Variants in MICU3 observed in about 807,000 individuals in gnomAD.
MICU3 encodes the protein calcium uptake protein 3, mitochondrial.
MICU3 carries 62 observed loss-of-function variants against 66.5 expected under a neutral mutation model. The observed-to-expected ratio is 0.93, with a 90% CI of 0.76 to 1.15. MICU3 has a LOEUF of 1.15. MICU3 is among the 50% of genes most tolerant of loss of function. MICU3 has a pLI of 0.00. For missense variants in MICU3, 779 were observed against 664.4 expected (o/e 1.17, Z -1.90); for synonymous variants, 308 against 240.7 (o/e 1.28, Z -2.59).
chr8:17,129,401 T>G, the MICU3 span, among the ~76,000 whole-genome samples: 19 of 152,098 alleles, frequency 1.2e-4, no homozygotes, highest in African/African-American at 4.6e-4. Flanking sequence ...AGGGTTTAAG[T>G]AAAAATAATA....
chr8:17,094,347 A>T (rs942023095), intron 8 of MICU3, among the ~76,000 whole-genome samples: 2 of 152,078 alleles, frequency 1.3e-5, no homozygotes, highest in African/African-American at 4.8e-5. Flanking sequence ...TATGTTATGT[A>T]TTTACCATAT....
At chr8:17,086,042 A>G (rs1799432478) in intron 6 of MICU3, among the ~76,000 whole-genome samples, 1 of 152,054 alleles carries the variant, frequency 6.6e-6, no homozygotes, top group Non-Finnish European at 1.5e-5. Context: ...CTTTTAGCAT[A>G]TATATTACAC....
chr8:17,038,712 G>C (rs1469347318), intron 1 of MICU3, among the ~76,000 whole-genome samples: 1 of 152,076 alleles, frequency 6.6e-6, no homozygotes, highest in Non-Finnish European at 1.5e-5. Flanking sequence ...CCAGTACTTT[G>C]GGAGGCCAAG....
intron 11 of MICU3, among the ~76,000 whole-genome samples, chr8:17,108,805 T>A (rs1269531818): frequency 6.6e-6 from 1 of 152,142 alleles, no homozygotes; most frequent in Non-Finnish European, 1.5e-5. Context: ...AGATTGCCAT[T>A]CTTCTCAAAG....
the MICU3 span, among the ~76,000 whole-genome samples, chr8:17,130,534 A>G: frequency 1.3e-5 from 2 of 152,170 alleles, no homozygotes; most frequent in Non-Finnish European, 2.9e-5. Context: ...GAGAAAAAGA[A>G]AAAGGCAATT....
intron 11 of MICU3, among the ~76,000 whole-genome samples, chr8:17,107,972 T>A (rs1318117801): frequency 6.6e-6 from 1 of 152,084 alleles, no homozygotes; most frequent in Non-Finnish European, 1.5e-5. Context: ...GCCCAGGCAA[T>A]AGATAAGCAT....
chr8:17,109,576 C>G (rs546881801), intron 11 of MICU3, among the ~76,000 whole-genome samples: 74 of 152,000 alleles, frequency 4.9e-4, no homozygotes, highest in African/African-American at 1.7e-3. Context: ...GATTTAGAGC[C>G]GTTTGTAGAC....
intron 8 of MICU3, among the ~76,000 whole-genome samples, chr8:17,093,779 A>C (rs541123601): frequency 2.0e-5 from 3 of 152,104 alleles, no homozygotes; most frequent in African/African-American, 7.2e-5. Context: ...GAATGAATAT[A>C]CTACCTACCT....
At chr8:17,100,978 A>T (rs1034471996) in intron 9 of MICU3, among the ~76,000 whole-genome samples, 8 of 151,974 alleles carry the variant, frequency 5.3e-5, no homozygotes, top group Middle Eastern at 3.4e-3. Context: ...TCAATGGATT[A>T]TTCAAAAACT....
At chr8:17,131,219 A>G in the MICU3 span, 1 of 152,240 alleles carries the variant, frequency 6.6e-6, no homozygotes, top group Non-Finnish European at 1.5e-5. Flanking sequence ...ATCAGGAGCA[A>G]CCGTTATGGC....
At chr8:17,096,078 A>G (rs1800652468) in intron 8 of MICU3, among the ~76,000 whole-genome samples, 1 of 151,964 alleles carries the variant, frequency 6.6e-6, no homozygotes, top group Admixed American at 6.6e-5. Context: ...ATTTTACATG[A>G]CATCTGGTAA....
chr8:17,123,542 A>G (rs562328638), downstream of MICU3, among the ~76,000 whole-genome samples: 44 of 152,240 alleles, frequency 2.9e-4, no homozygotes, highest in African/African-American at 9.9e-4. Context: ...GGATAGTTAT[A>G]TAATGTATAG....
chr8:17,049,692 T>C (rs964604443), intron 1 of MICU3: 19 of 507,266 alleles, frequency 3.7e-5, no homozygotes, highest in Admixed American at 2.9e-4. Flanking sequence ...AAACACTGGG[T>C]TGTGTGTTGT....
At chr8:17,043,481 C>T (rs1157428788) in intron 1 of MICU3, among the ~76,000 whole-genome samples, 1 of 152,158 alleles carries the variant, frequency 6.6e-6, no homozygotes, top group Non-Finnish European at 1.5e-5. Context: ...TATCATCAAG[C>T]TTAAAAATAT....
chr8:17,086,258 G>T (rs887058820), intron 6 of MICU3, among the ~76,000 whole-genome samples: 1 of 152,022 alleles, frequency 6.6e-6, no homozygotes, highest in Non-Finnish European at 1.5e-5. Flanking sequence ...AAACTCAGAG[G>T]AAGTCTATGA....
At chr8:17,125,360 G>T (rs1032944781), downstream of MICU3, among the ~76,000 whole-genome samples, 24 of 150,146 alleles carry the variant, frequency 1.6e-4, no homozygotes, top group Admixed American at 1.5e-3. Context: ...AAGTTTTCTT[G>T]TGCTCCCTTC....
intron 5 of MICU3, among the ~76,000 whole-genome samples, chr8:17,085,000 A>C (rs1397682149): frequency 6.6e-6 from 1 of 152,112 alleles, no homozygotes; most frequent in African/African-American, 2.4e-5. Flanking sequence ...TGCTTTAGGA[A>C]AGTATTCAAA....
chr8:17,056,143 A>G (rs1224538448), intron 1 of MICU3, among the ~76,000 whole-genome samples: 1 of 152,174 alleles, frequency 6.6e-6, no homozygotes, highest in Non-Finnish European at 1.5e-5. Context: ...TCAGATTCCT[A>G]TCTTAGAAGG....
At chr8:17,039,043 G>A (rs930467192) in intron 1 of MICU3, among the ~76,000 whole-genome samples, 2 of 152,040 alleles carry the variant, frequency 1.3e-5, no homozygotes, top group African/African-American at 4.8e-5. Flanking sequence ...ACTCTGATCA[G>A]TTAGTAGCCA....
Sources: gnomAD v4.1 joint callset for allele counts (sites outside exome capture counted in the v4.1 genomes callset) on GRCh38, gnomAD v4.1.1 for gene constraint, MANE v1.5 for transcripts, NCBI Gene and HGNC (gene_info 2026-07-23, HGNC 2026-07-21) for gene names.